C2CD3: variants seen among roughly 807,000 people sequenced by gnomAD.
C2CD3 encodes the protein C2 domain-containing protein 3.
C2CD3 carries 148 observed loss-of-function variants against 234.0 expected under a neutral mutation model. That is an observed-to-expected ratio of 0.63 (90% CI 0.55 to 0.72). The LOEUF is 0.72. Ranked by LOEUF, C2CD3 falls within the 30% of genes least tolerant of loss-of-function variation. The pLI, the probability that C2CD3 is intolerant of heterozygous loss-of-function variation, is 0.00. For synonymous variants in C2CD3, 1,000 were observed against 1,035.4 expected, an observed-to-expected ratio of 0.97 and a Z score of 0.66; for missense variants, 2,577 against 2,811.5, an observed-to-expected ratio of 0.92 and a Z score of 1.89.
chr11:74,044,142 C>T (rs1257938632), intron 28 of C2CD3, among the ~76,000 whole-genome samples: 1 of 151,894 alleles, frequency 6.6e-6, no homozygotes, highest in African/African-American at 2.4e-5. Flanking sequence ...GCACCCAGTC[C>T]CCTTTATATG....
In C2CD3 at chr11:74,078,574, C is replaced by A; in HGVS notation, c.4144G>T (p.Ala1382Ser). Residue 1382 changes from alanine to serine, a missense_variant, in exon 23 of 33, where the codon GCT becomes TCT. Ala to Ser is a moderately conservative substitution (Grantham distance 99). Transcript: ENST00000334126. ...TCAAAGCTCCAGCCCAAATGCTCAG[C>A]AGCTTCCAACACCCGTTCTCTATCT... is the stretch of plus-strand genomic sequence containing the variant. ...RGDRERVLEA[A>S]EHLGWSFENS... is the part of the protein sequence containing the mutation. 1.2e-6 allele frequency: 2 copies of A among 1,614,158 alleles called. No homozygotes were observed. Among genetic ancestry groups the A allele is most frequent in the Non-Finnish European group, 1.7e-6 (2 of 1,180,024 alleles).
intron 1 of C2CD3, 127 bp downstream of exon 1, chr11:74,170,611 G>A: frequency 1.8e-6 from 2 of 1,106,074 alleles, no homozygotes; most frequent in Non-Finnish European, 1.3e-6. Flanking sequence ...TTAACCTTCT[G>A]GTTCCCTGGC....
intron 3 of C2CD3, among the ~76,000 whole-genome samples, chr11:74,151,466 A>G (rs1039568783): frequency 6.6e-6 from 1 of 152,086 alleles, no homozygotes; most frequent in Non-Finnish European, 1.5e-5. Flanking sequence ...AGCTGGGATT[A>G]CAGGCACATG....
intron 32 of C2CD3, among the ~76,000 whole-genome samples, chr11:74,026,946 G>A (rs1314511348): frequency 4.2e-5 from 6 of 141,802 alleles, no homozygotes; most frequent in Non-Finnish European, 7.5e-5. Flanking sequence ...ATTCCAGCTG[G>A]CGACAGAATA....
At chr11:74,116,952 ATATGTG>A (rs1956979379) in intron 9 of C2CD3, among the ~76,000 whole-genome samples, 1 of 97,980 alleles carries the variant, frequency 1.0e-5, no homozygotes, top group Admixed American at 9.4e-5. Flanking sequence ...ATACACGTAT[ATATGTG>A]TATATACACA....
intron 24 of C2CD3, among the ~76,000 whole-genome samples, chr11:74,065,807 C>A (rs534580059): frequency 6.8e-6 from 1 of 147,186 alleles, no homozygotes; most frequent in East Asian, 2.1e-4. Context: ...GCAAACTATC[C>A]CAAGAACAAA....
At chr11:74,026,768 G>C (rs1439315698) in intron 32 of C2CD3, among the ~76,000 whole-genome samples, 1 of 151,976 alleles carries the variant, frequency 6.6e-6, no homozygotes, top group East Asian at 1.9e-4. Context: ...AAGAGATTGA[G>C]ACCATCCTGG....
Position 74,133,458 on chromosome 11 carries a change from G to A in C2CD3, c.1055C>T (p.Pro352Leu). The A allele has an allele frequency of 6.2e-7, 1 of 1,613,566 alleles. No individual in the cohort carries two copies. The highest frequency in any genetic ancestry group is 8.5e-7 in the Non-Finnish European group (1 of 1,179,522). ...TSMLLDQVHP[P>L]INEDSLRAST... is the part of the protein sequence containing the mutation. The stretch of plus-strand genomic sequence containing the variant: ...TGCTCTAAGAGAATCTTCATTAATA[G>A]GAGGATGAACTTGGTCCAACAACAT... Residue 352 changes from proline (P) to leucine (L), a missense_variant, in exon 6 of 33, where the codon CCT becomes CTT. Physicochemically the swap from Pro to Leu is moderately conservative, Grantham distance 98 (BLOSUM62 -3). Coordinates refer to ENST00000334126, the MANE Select transcript of C2CD3 (RefSeq NM_001286577.2).
At chr11:74,127,282 G>A (rs1957444154) in intron 7 of C2CD3, among the ~76,000 whole-genome samples, 1 of 152,226 alleles carries the variant, frequency 6.6e-6, no homozygotes, top group Non-Finnish European at 1.5e-5. Context: ...ACAGGTGTGA[G>A]CTACCACACT....
intron 31 of C2CD3, among the ~76,000 whole-genome samples, chr11:74,032,782 C>T (rs1039780277): frequency 5.9e-5 from 9 of 151,614 alleles, no homozygotes; most frequent in African/African-American, 1.9e-4. Context: ...GGAGGATCAC[C>T]TGAGTATAAG....
chr11:74,127,396 T>A (rs1957447311), intron 7 of C2CD3, among the ~76,000 whole-genome samples: 2 of 152,332 alleles, frequency 1.3e-5, no homozygotes, highest in Admixed American at 1.3e-4. Context: ...AACACTACTC[T>A]ACTGTATGGA....
chr11:74,045,719 G>A (rs550561137), intron 28 of C2CD3, among the ~76,000 whole-genome samples: 3 of 152,010 alleles, frequency 2.0e-5, no homozygotes, highest in African/African-American at 7.2e-5. Flanking sequence ...CTGCAGGCAT[G>A]CACCACTATG....
intron 3 of C2CD3, among the ~76,000 whole-genome samples, chr11:74,156,576 G>A (rs963174200): frequency 6.6e-5 from 10 of 151,962 alleles, no homozygotes; most frequent in South Asian, 6.2e-4. Flanking sequence ...TCAGGAGGCC[G>A]AGGCAGGAGA....
chr11:74,090,107 G>C (rs143782768), intron 20 of C2CD3, among the ~76,000 whole-genome samples: 1 of 152,174 alleles, frequency 6.6e-6, no homozygotes, highest in African/African-American at 2.4e-5. Context: ...GTTGTGGCTG[G>C]AGTGGAGTAA....
chr11:74,030,135 T>C (rs1029586652), intron 31 of C2CD3, among the ~76,000 whole-genome samples: 3 of 152,170 alleles, frequency 2.0e-5, no homozygotes, highest in Non-Finnish European at 4.4e-5. Flanking sequence ...AACAACCCCC[T>C]GACCTTGCAT....
At chr11:74,087,574 A>C (rs547003783) in intron 20 of C2CD3, among the ~76,000 whole-genome samples, 1 of 152,192 alleles carries the variant, frequency 6.6e-6, no homozygotes, top group Admixed American at 6.5e-5. Flanking sequence ...CGAAAAAAAA[A>C]AAATGAGGAT....
At chr11:74,030,965 T>C (rs1315573832) in intron 31 of C2CD3, among the ~76,000 whole-genome samples, 2 of 152,224 alleles carry the variant, frequency 1.3e-5, no homozygotes, top group Non-Finnish European at 2.9e-5. Context: ...GTCTTCATCA[T>C]AAAGCAGTCT....
chr11:74,067,570 T>C (rs1377642009), intron 24 of C2CD3, among the ~76,000 whole-genome samples: 1 of 152,160 alleles, frequency 6.6e-6, no homozygotes, highest in African/African-American at 2.4e-5. Context: ...AAGGTAATTC[T>C]AATTTAATGG....
At chr11:74,098,374 T>C (rs1056086264) in intron 15 of C2CD3, 119 bp from the exon 16 acceptor site, 16 of 1,042,216 alleles carry the variant, frequency 1.5e-5, no homozygotes, top group African/African-American at 1.1e-4. Flanking sequence ...GGAAAAGTAA[T>C]AGTGGTTTTA....
Sources: gnomAD v4.1 joint callset for allele counts (sites outside exome capture counted in the v4.1 genomes callset) on GRCh38, gnomAD v4.1.1 for gene constraint, MANE v1.5 for transcripts, NCBI Gene and HGNC (gene_info 2026-07-23, HGNC 2026-07-21) for gene names.